PAX4: variants seen among roughly 807,000 people sequenced by gnomAD.
PAX4 encodes paired box protein Pax-4.
In PAX4, 33 loss-of-function variants were observed where a neutral mutation model predicts 40.6. The ratio of observed to expected loss-of-function variants is 0.81; its 90% CI spans 0.62 to 1.09. PAX4 has a LOEUF of 1.09. PAX4 is among the 50% of genes least tolerant of loss of function. The pLI, the probability that PAX4 is intolerant of heterozygous loss-of-function variation, is 0.00. For missense variants in PAX4, 459 were observed against 442.5 expected (o/e 1.04, Z -0.33); for synonymous variants, 174 against 170.6 (o/e 1.02, Z -0.16).
Position 127,615,006 on chromosome 7 carries a change from C to T in PAX4, c.234G>A (p.Arg78=). 1 of 1,614,194 alleles carries T rather than the reference C, an allele frequency of 6.2e-7. No homozygotes were observed. The highest frequency in any genetic ancestry group is 8.5e-7 in the Non-Finnish European group (1 of 1,180,030). Residue 78 remains arginine (R), a synonymous_variant, in exon 5 of 12, where the codon CGG becomes CGA. Transcript: ENST00000639438. ...GAGCCACCACAGGGGGTGTAGCCAG[C>T]CGTGGCTTGCTTCCCCCAATGCCCT... is the stretch of plus-strand genomic sequence containing the variant. ...EPKGIGGSKP[R]LATPPVVARI...
chr7:127,613,216 C>T, intron 8 of PAX4, 125 bp from the exon 9 acceptor site: 1 of 903,008 alleles, frequency 1.1e-6, no homozygotes, highest in Non-Finnish European at 1.8e-6. Context: ...CATCCTCCCT[C>T]CCTGCTCTAG....
intron 4 of PAX4, 148 bp from the exon 5 acceptor site, chr7:127,615,243 T>C (rs1439845998): frequency 6.3e-6 from 10 of 1,591,884 alleles, no homozygotes; most frequent in Non-Finnish European, 8.5e-6. Flanking sequence ...TTTGAGGGCC[T>C]GAGGCTCCCC....
Position 127,615,013 on chromosome 7 carries a change from T to G in PAX4, c.227A>C (p.Lys76Thr), listed in dbSNP as rs776286904. The change falls in exon 5 of 12, where the codon AAG becomes ACG. Residue 76 changes from lysine (K) to threonine (T), a missense_variant. Physicochemically the swap from Lys to Thr is moderately conservative, Grantham distance 78 (BLOSUM62 -1). Transcript: ENST00000639438. ...CACAGGGGGTGTAGCCAGCCGTGGC[T>G]TGCTTCCCCCAATGCCCTTTGGCTC... ...VLEPKGIGGS[K>T]PRLATPPVVA... The G allele has an allele frequency of 6.2e-7, 1 of 1,614,202 alleles. No homozygotes were observed. The highest frequency in any genetic ancestry group is 1.1e-5 in the South Asian group (1 of 91,086).
In PAX4 at chr7:127,615,470, A is replaced by G. The variant is rs1794710010; in HGVS notation, c.75T>C (p.Asp25=). 1.2e-6 allele frequency: 2 copies of G among 1,614,162 alleles called. No individual in the cohort carries two copies. Among genetic ancestry groups the G allele is most frequent in the African/African-American group, 2.7e-5 (2 of 75,028 alleles). The change falls in exon 4 of 12, where the codon GAT becomes GAC. Residue 25 remains aspartate (D), a synonymous_variant. Coordinates refer to ENST00000639438, the MANE Select transcript of PAX4 (RefSeq NM_001366110.1). ...LFVNGRPLPL[D]TRQQIVRLAV... is the part of the protein sequence containing the mutation. Reference sequence around the variant, plus strand: ...CTAGCCGCACAATCTGCTGCCGGGTATCCAGAGGCAGGGGCCGGCCATTCA... The same window carrying G: ...CTAGCCGCACAATCTGCTGCCGGGTGTCCAGAGGCAGGGGCCGGCCATTCA...
intron 2 of PAX4, among the ~76,000 whole-genome samples, chr7:127,616,510 G>C (rs953882647): frequency 1.3e-5 from 2 of 152,134 alleles, no homozygotes; most frequent in Non-Finnish European, 2.9e-5. Context: ...CTTCAGAAAG[G>C]CTTGCTCCTG....
Position 127,611,550 on chromosome 7 carries a change from GACAGGCTTTAGGTGGGGTGTC to G in PAX4, c.877_897del (p.Asp293_Cys299del). The G allele has an allele frequency of 6.2e-7, 1 of 1,613,780 alleles. No individual in the cohort carries two copies. Among genetic ancestry groups the G allele is most frequent in the South Asian group, 1.1e-5 (1 of 91,060 alleles). ...GAATTCTTACCCCAGCAGGGCTTGA[GACAGGCTTTAGGTGGGGTGTC>G]ACTCAGACACCTTTCTGGTGCTGTT... On this transcript the variant is annotated inframe_deletion, in exon 11 of 12. Transcript: ENST00000639438.
intron 9 of PAX4, among the ~76,000 whole-genome samples, chr7:127,612,492 T>C (rs1407571949): frequency 6.6e-6 from 1 of 151,344 alleles, no homozygotes; most frequent in Non-Finnish European, 1.5e-5. Context: ...GATGGATGGA[T>C]GGATGGATGG....
chr7:127,610,604 A>G lies in PAX4; in HGVS notation c.*460T>C. The G allele has an allele frequency of 1.9e-6, 1 of 533,944 alleles. No individual in the cohort carries two copies. The highest frequency in any genetic ancestry group is 3.4e-6 in the Non-Finnish European group (1 of 295,792). 33.1% of individuals were successfully genotyped at this position (533,944 alleles called of 1,614,324 possible). A position where few individuals can be genotyped will look rare whatever the true frequency, so the allele number is the denominator to read the frequency against. ...GCATGCACGCATACATAATACACAT[A>G]TAGATGCATACATAGAGTAGGTAAA... On this transcript the variant is annotated 3_prime_UTR_variant, in exon 12 of 12. Coordinates refer to ENST00000639438, the MANE Select transcript of PAX4 (RefSeq NM_001366110.1).
At position 127,610,883 on chromosome 7, in the gene PAX4, C is replaced by T. The variant is rs1412152360; in HGVS notation, c.*181G>A. 2 of 1,540,882 alleles carry T rather than the reference C, an allele frequency of 1.3e-6. No homozygotes were observed. The highest frequency in any genetic ancestry group is 1.4e-5 in the African/African-American group (1 of 73,034). Reference sequence around the variant, plus strand: ...TGAGAAGTGGGTGGGTGTTGCTTTACCAGCCCCTCCAATCAGGTGATGCGC... The same window carrying T: ...TGAGAAGTGGGTGGGTGTTGCTTTATCAGCCCCTCCAATCAGGTGATGCGC... On this transcript the variant is annotated 3_prime_UTR_variant, in exon 12 of 12. Coordinates refer to ENST00000639438, the MANE Select transcript of PAX4 (RefSeq NM_001366110.1).
At position 127,611,190 on chromosome 7, in the gene PAX4, CT is replaced by C. The variant is rs1335861490; in HGVS notation, c.929del (p.Gln310ArgfsTer104). The C allele has an allele frequency of 6.2e-7, 1 of 1,601,718 alleles. No individual in the cohort carries two copies. On this transcript the variant is annotated frameshift_variant, in exon 12 of 12. Transcript: ENST00000639438. LOFTEE classifies it low-confidence loss of function (END_TRUNC). ...LKPCWGHLPP[Q>X]PNSLDSGLLC... ...GCAGTCCTGAGTCCAGGGAATTCGG[CT>C]GTGGGGGCAAGTGGCCTGTGGGGAC...
At chr7:127,613,715 A>G in intron 7 of PAX4, 41 bp downstream of exon 7, 1 of 1,612,898 alleles carries the variant, frequency 6.2e-7, no homozygotes, top group Non-Finnish European at 8.5e-7. Flanking sequence ...CCTGTGTCAC[A>G]CTGAGGACTC....
intron 3 of PAX4, 180 bp from the exon 4 acceptor site, chr7:127,615,711 C>T: frequency 6.6e-7 from 1 of 1,509,748 alleles, no homozygotes; most frequent in Non-Finnish European, 8.8e-7. Context: ...AGAGCTGGCT[C>T]ACGGGTGAGT....
chr7:127,611,626 C>G lies in PAX4; in HGVS notation c.822G>C (p.Leu274=), dbSNP rs1447967065. Residue 274 remains leucine (L), a synonymous_variant, in exon 11 of 12, where the codon CTG becomes CTC. Coordinates refer to ENST00000639438, the MANE Select transcript of PAX4 (RefSeq NM_001366110.1). ...AGCACAGCTGATAGCAGGAGGGACCCAGTGGTTCCAGGGCAGGCAGGGCTG... is the reference window on the plus strand; with the variant it reads ...AGCACAGCTGATAGCAGGAGGGACCGAGTGGTTCCAGGGCAGGCAGGGCTG... ...PTAALPALEP[L]GPSCYQLCWA... The G allele has an allele frequency of 6.2e-7, 1 of 1,613,724 alleles. No homozygotes were observed. Among genetic ancestry groups the G allele is most frequent in the South Asian group, 1.1e-5 (1 of 91,070 alleles).
At chr7:127,613,919 G>C (rs1009694253) in intron 6 of PAX4, 38 bp from the exon 7 acceptor site, 2 of 1,612,314 alleles carry the variant, frequency 1.2e-6, no homozygotes, top group Admixed American at 1.7e-5. Flanking sequence ...GGTTTGTGAT[G>C]GTGATTCCTC....
chr7:127,611,266 C>T, intron 11 of PAX4, 60 bp from the exon 12 acceptor site: 1 of 1,467,242 alleles, frequency 6.8e-7, no homozygotes, highest in Non-Finnish European at 9.4e-7. Context: ...CTCAAAGTCA[C>T]TATGGGAGAG....
At position 127,610,584 on chromosome 7, in the gene PAX4, C is replaced by CAA; in HGVS notation, c.*479_*480insTT. The CAA allele has an allele frequency of 2.8e-6, 1 of 353,046 alleles. No homozygotes were observed. Among genetic ancestry groups the CAA allele is most frequent in the South Asian group, 2.5e-5 (1 of 39,560 alleles). 21.9% of individuals were successfully genotyped at this position (353,046 alleles called of 1,614,324 possible). On this transcript the variant is annotated 3_prime_UTR_variant, in exon 12 of 12. Transcript: ENST00000639438. ...GTGTGTGTGTGTGCGCGCACGCATG[C>CAA]ACGCATACATAATACACATATAGAT... is the stretch of plus-strand genomic sequence containing the variant.
At position 127,615,476 on chromosome 7, in the gene PAX4, A is replaced by G. The variant is rs116124047; in HGVS notation, c.69T>C (p.Pro23=). The change falls in exon 4 of 12, where the codon CCT becomes CCC. Residue 23 remains proline (P), a synonymous_variant. Transcript: ENST00000639438. Reference sequence around the variant, plus strand: ...GCACAATCTGCTGCCGGGTATCCAGAGGCAGGGGCCGGCCATTCACAAAGA... The same window carrying G: ...GCACAATCTGCTGCCGGGTATCCAGGGGCAGGGGCCGGCCATTCACAAAGA... ...GGLFVNGRPL[P]LDTRQQIVRL... is the part of the protein sequence containing the mutation. 1.7e-4 allele frequency: 281 copies of G among 1,614,174 alleles called. 2 individuals carry two copies. The African/African-American group carries it at 2.4e-3, about 14-fold the overall frequency.
Position 127,613,874 on chromosome 7 carries a change from C to A in PAX4, c.444G>T (p.Leu148Phe). 1 of 1,613,944 alleles carries A rather than the reference C, an allele frequency of 6.2e-7. No homozygotes were observed. Among genetic ancestry groups the A allele is most frequent in the Non-Finnish European group, 8.5e-7 (1 of 1,180,004 alleles). Residue 148 changes from leucine (L) to phenylalanine (F), a missense_variant, in exon 7 of 12, where the codon TTG becomes TTT. Leu to Phe is a conservative substitution (Grantham distance 22). Coordinates refer to ENST00000639438, the MANE Select transcript of PAX4 (RefSeq NM_001366110.1). ...TATGGGGAGTGAGGACAGCTGGAGCCAAAACAGCTGAAAAGGAAGATAACA... is the reference window on the plus strand; with the variant it reads ...TATGGGGAGTGAGGACAGCTGGAGCAAAAACAGCTGAAAAGGAAGATAACA... ...PCTRLRSPAV[L>F]APAVLTPHSG...
At position 127,611,524 on chromosome 7, in the gene PAX4, T is replaced by C; in HGVS notation, c.913+11A>G. 1 of 1,613,650 alleles carries C rather than the reference T, an allele frequency of 6.2e-7. No individual in the cohort carries two copies. Among genetic ancestry groups the C allele is most frequent in the Non-Finnish European group, 8.5e-7 (1 of 1,179,834 alleles). ...CATCCTGCAGGACTGAGGCCTGGCC[T>C]GAATTCTTACCCCAGCAGGGCTTGA... On this transcript the variant is annotated intron_variant, in intron 11 of 11. Transcript: ENST00000639438.
Sources: allele counts gnomAD v4.1 joint callset (sites outside exome capture counted in the v4.1 genomes callset), GRCh38; gene constraint gnomAD v4.1.1; transcripts MANE v1.5; gene names NCBI Gene and HGNC (gene_info 2026-07-23, HGNC 2026-07-21).